The following BRINP1 variants were observed in gnomAD, a reference collection of about 807,000 sequenced individuals.
BRINP1 encodes BMP/retinoic acid-inducible neural-specific protein 1.
In BRINP1, 17 loss-of-function variants were observed where a neutral mutation model predicts 72.9. That is an observed-to-expected ratio of 0.23 (90% confidence interval 0.16 to 0.35). BRINP1 has a LOEUF of 0.35. Among genes scored for constraint, BRINP1 ranks in the 10% least tolerant of loss-of-function variants. The pLI, the probability that BRINP1 is intolerant of heterozygous loss-of-function variation, is 1.00. For synonymous variants in BRINP1, 418 were observed against 378.5 expected, an observed-to-expected ratio of 1.10 and a Z score of -1.21; for missense variants, 850 against 1,001.6, an observed-to-expected ratio of 0.85 and a Z score of 2.04.
chr9:119,318,486 G>A (rs1019407739), intron 1 of BRINP1, among the ~76,000 whole-genome samples: 5 of 152,174 alleles, frequency 3.3e-5, no homozygotes, highest in African/African-American at 1.2e-4. Flanking sequence ...AGGTACATGA[G>A]CAGAGGAGTG....
chr9:119,250,679 C>T (rs577422771), intron 2 of BRINP1, among the ~76,000 whole-genome samples: 22 of 152,156 alleles, frequency 1.4e-4, no homozygotes, highest in Admixed American at 5.2e-4. Context: ...GCATACAAAC[C>T]GAGTACAAGT....
At chr9:119,172,784 C>T (rs139459901) in intron 7 of BRINP1, among the ~76,000 whole-genome samples, 3,595 of 151,444 alleles carry the variant, frequency 0.024, 89 homozygotes, top group Non-Finnish European at 0.032. Context: ...TTATCCACCA[C>T]GATCAAGTGG....
intron 7 of BRINP1, among the ~76,000 whole-genome samples, chr9:119,193,115 TA>T (rs1309187278): frequency 1.3e-5 from 2 of 152,188 alleles, no homozygotes; most frequent in Admixed American, 1.3e-4. Flanking sequence ...AAATCTGTAT[TA>T]TTTTTATTAT....
At chr9:119,258,423 G>A (rs1355438911) in intron 2 of BRINP1, among the ~76,000 whole-genome samples, 3 of 152,196 alleles carry the variant, frequency 2.0e-5, no homozygotes, top group Non-Finnish European at 2.9e-5. Context: ...GTGGCTATGA[G>A]AGTTAATCGT....
chr9:119,185,334 T>TTA (rs1468808883), intron 7 of BRINP1, among the ~76,000 whole-genome samples: 1 of 152,210 alleles, frequency 6.6e-6, no homozygotes, highest in Non-Finnish European at 1.5e-5. Flanking sequence ...AATATGCACC[T>TTA]AGACAGCGGC....
chr9:119,168,107 C>T lies in BRINP1; in HGVS notation c.1263G>A (p.Leu421=). The change falls in exon 8 of 8, where the codon CTG becomes CTA. Residue 421 remains leucine (L), a synonymous_variant. Transcript: ENST00000265922. The part of the protein sequence containing the change: ...RSCVCHGSTT[L]CQRPIPCVIG... The stretch of plus-strand genomic sequence containing the variant: ...TCACGCAGGGGATGGGGCGCTGGCA[C>T]AGCGTGGTGCTGCCGTGGCACACGC... 6.2e-7 allele frequency: 1 copy of T among 1,608,648 alleles called. No individual in the cohort carries two copies. Among genetic ancestry groups the T allele is most frequent in the South Asian group, 1.1e-5 (1 of 90,454 alleles).
chr9:119,367,642 C>A (rs1256815985), intron 1 of BRINP1, among the ~76,000 whole-genome samples: 3 of 152,154 alleles, frequency 2.0e-5, no homozygotes, highest in Admixed American at 6.5e-5. Flanking sequence ...CCCAAACTAC[C>A]TTCCTGGCTG....
chr9:119,336,723 C>T (rs927517023), intron 1 of BRINP1, among the ~76,000 whole-genome samples: 8 of 151,994 alleles, frequency 5.3e-5, no homozygotes, highest in Admixed American at 2.6e-4. Context: ...AAGGCACACA[C>T]GTACCCTTGG....
At chr9:119,247,878 T>G (rs1234250462) in intron 3 of BRINP1, among the ~76,000 whole-genome samples, 1 of 152,186 alleles carries the variant, frequency 6.6e-6, no homozygotes, top group African/African-American at 2.4e-5. Context: ...ATATAGCAAA[T>G]AACTGTTAAG....
chr9:119,210,960 T>C (rs969129298), intron 6 of BRINP1, among the ~76,000 whole-genome samples: 1 of 152,128 alleles, frequency 6.6e-6, no homozygotes, highest in Non-Finnish European at 1.5e-5. Flanking sequence ...TCTACACTGA[T>C]TGATTGACTC....
At chr9:119,277,891 A>G (rs995712581) in intron 2 of BRINP1, among the ~76,000 whole-genome samples, 7 of 152,154 alleles carry the variant, frequency 4.6e-5, no homozygotes, top group Non-Finnish European at 7.3e-5. Flanking sequence ...CTTGCTTGAT[A>G]TATTAAAAAA....
chr9:119,252,726 G>A (rs1830405833), intron 2 of BRINP1, among the ~76,000 whole-genome samples: 1 of 152,022 alleles, frequency 6.6e-6, no homozygotes, highest in African/African-American at 2.4e-5. Context: ...ATAGAAAACT[G>A]GCACCCTGAC....
intron 7 of BRINP1, among the ~76,000 whole-genome samples, chr9:119,183,337 A>C (rs562329387): frequency 6.6e-6 from 1 of 152,356 alleles, no homozygotes; most frequent in East Asian, 1.9e-4. Flanking sequence ...AAAACAAAAC[A>C]AAATGGAGGA....
At chr9:119,288,884 C>T (rs1830794637) in intron 2 of BRINP1, among the ~76,000 whole-genome samples, 1 of 152,118 alleles carries the variant, frequency 6.6e-6, no homozygotes, top group Non-Finnish European at 1.5e-5. Context: ...CAACCTCTGC[C>T]TCCCAGGTTC....
Position 119,208,528 on chromosome 9 carries a change from G to A in BRINP1, c.1145+191C>T, listed in dbSNP as rs999029892. Among the ~76,000 whole-genome samples the A allele has an allele frequency of 3.3e-5, 5 of 152,164 alleles. No individual in the cohort carries two copies. In the East Asian group the frequency reaches 9.7e-4, roughly 29 times the overall value. ...CATGGTACATTCAGGAAACAATGTG[G>A]AATCTGAAACAATGTGGAGCCAGTA... On this transcript the variant is annotated intron_variant, in intron 7 of 7. Transcript: ENST00000265922.
chr9:119,179,432 T>C (rs1159982043), intron 7 of BRINP1, among the ~76,000 whole-genome samples: 1 of 152,178 alleles, frequency 6.6e-6, no homozygotes, highest in Non-Finnish European at 1.5e-5. Context: ...GATTGATTGA[T>C]AGGTACCCAC....
rs141154666 is a variant in BRINP1 at position 119,294,182 on chromosome 9, T to C, written c.218+18956A>G. ...CCATTTACAATAGTAAGAAAAAGTA[T>C]AAAACACTTAGGGATACAGTTAAGA... On this transcript the variant is annotated intron_variant, in intron 2 of 7. Transcript: ENST00000265922. 6.9e-3 allele frequency among the ~76,000 whole-genome samples: 1,044 copies of C among 152,252 alleles called. 11 individuals are homozygous for C. The highest frequency in any genetic ancestry group is 0.024 in the African/African-American group (1,008 of 41,562).
chr9:119,255,575 G>C (rs957077407), intron 2 of BRINP1, among the ~76,000 whole-genome samples: 10 of 152,070 alleles, frequency 6.6e-5, no homozygotes, highest in Admixed American at 3.3e-4. Context: ...CTCTTTATTA[G>C]TCCTCTACTT....
chr9:119,275,790 T>A (rs1046796867), intron 2 of BRINP1, among the ~76,000 whole-genome samples: 1 of 152,182 alleles, frequency 6.6e-6, no homozygotes, highest in African/African-American at 2.4e-5. Flanking sequence ...TACTAATGGC[T>A]CATATGGTAT....
Sources: gnomAD v4.1 joint callset for allele counts (sites outside exome capture counted in the v4.1 genomes callset) on GRCh38, gnomAD v4.1.1 for gene constraint, MANE v1.5 for transcripts, NCBI Gene and HGNC (gene_info 2026-07-23, HGNC 2026-07-21) for gene names.